GOLGA2: variants seen among roughly 807,000 people sequenced by gnomAD.
GOLGA2 encodes the protein golgin subfamily A member 2.
A neutral mutation model predicts 148.8 loss-of-function variants in GOLGA2; 49 were observed. That is an observed-to-expected ratio of 0.33 (90% confidence interval 0.26 to 0.42). GOLGA2 has a LOEUF of 0.42. Among genes scored for constraint, GOLGA2 ranks in the 10% least tolerant of loss-of-function variants. The probability of loss-of-function intolerance (pLI) is 1.00; values close to 1 mark genes in which losing one functional copy is unlikely to be tolerated. For synonymous variants in GOLGA2, 501 were observed against 511.8 expected, an observed-to-expected ratio of 0.98 and a Z score of 0.28; for missense variants, 1,178 against 1,304.6, an observed-to-expected ratio of 0.90 and a Z score of 1.49.
intron 3 of GOLGA2, among the ~76,000 whole-genome samples, chr9:128,272,107 AG>A: frequency 6.7e-6 from 1 of 149,734 alleles, no homozygotes; most frequent in African/African-American, 2.4e-5. Context: ...TAAAACCTAA[AG>A]GTCTGTTGGT....
chr9:128,257,027 C>T lies in GOLGA2; in HGVS notation c.*40G>A, dbSNP rs1829908009. 2.7e-6 allele frequency: 4 copies of T among 1,473,746 alleles called. No homozygotes were observed. Among genetic ancestry groups the T allele is most frequent in the African/African-American group, 2.8e-5 (2 of 72,338 alleles). The allele number at this position is 1,473,746 out of a possible 1,614,324, so 91.3% of individuals were successfully genotyped here. ...AGGGATATGGTGGGGGCAGGGTATCCAGCCCCACTTCTTCAGGCTTTGCTG... is the reference window on the plus strand; with the variant it reads ...AGGGATATGGTGGGGGCAGGGTATCTAGCCCCACTTCTTCAGGCTTTGCTG... On this transcript the variant is annotated 3_prime_UTR_variant, in exon 27 of 27. Coordinates refer to ENST00000611957, the MANE Select transcript of GOLGA2 (RefSeq NM_001366244.2). This position sits in a 1 kb window ranked among gnomAD's most constrained non-coding sequence, Gnocchi z 8.0.
chr9:128,266,274 G>A lies in GOLGA2; in HGVS notation c.681+13C>T, dbSNP rs372567469. 5.6e-6 allele frequency: 9 copies of A among 1,608,568 alleles called. 1 individual carries two copies. Among genetic ancestry groups the A allele is most frequent in the Non-Finnish European group, 7.7e-6 (9 of 1,175,196 alleles). Reference sequence around the variant, plus strand: ...AGCAGTCATGTTGTGAGCAAACAAAGAAATCACGTTACTTCTTCCAACTGA... The same window carrying A: ...AGCAGTCATGTTGTGAGCAAACAAAAAAATCACGTTACTTCTTCCAACTGA... On this transcript the variant is annotated intron_variant, in intron 9 of 26. Coordinates refer to ENST00000611957, the MANE Select transcript of GOLGA2 (RefSeq NM_001366244.2). The surrounding 1 kb of genome is among the most constrained non-coding windows in gnomAD (Gnocchi z 4.2).
chr9:128,260,910 C>T lies in GOLGA2; in HGVS notation c.1421-108G>A, dbSNP rs1200110708. ...AAACTTGGCCTCCCTGCTGATGATTCCTCGCACCCGGATGTTAGCCAATCT... is the reference window on the plus strand; with the variant it reads ...AAACTTGGCCTCCCTGCTGATGATTTCTCGCACCCGGATGTTAGCCAATCT... On this transcript the variant is annotated intron_variant, in intron 17 of 26. Transcript: ENST00000611957. The surrounding 1 kb of genome is among the most constrained non-coding windows in gnomAD (Gnocchi z 4.8). The T allele has an allele frequency of 1.3e-6, 1 of 779,382 alleles. No individual in the cohort carries two copies. Among genetic ancestry groups the T allele is most frequent in the Admixed American group, 2.7e-5 (1 of 36,722 alleles). The allele number at this position is 779,382 out of a possible 1,614,324, so 48.3% of individuals were successfully genotyped here.
intron 3 of GOLGA2, among the ~76,000 whole-genome samples, chr9:128,270,172 C>T (rs1437729017): frequency 8.6e-5 from 10 of 115,970 alleles, no homozygotes; most frequent in Non-Finnish European, 1.7e-4. Flanking sequence ...CTCACTCTGT[C>T]GCCCAGGCTG....
chr9:128,259,396 AG>A lies in GOLGA2; in HGVS notation c.1873-6del. 1 of 1,563,948 alleles carries A rather than the reference AG, an allele frequency of 6.4e-7. No individual in the cohort carries two copies. ...CTCTTGGCTCTTCAGCTCCACCTGT[AG>A]GAAGACCCTGGGCGTGAGGGCAGGT... is the stretch of plus-strand genomic sequence containing the variant. On this transcript the variant is annotated splice_polypyrimidine_tract_variant and splice_region_variant and intron_variant, in intron 19 of 26. Transcript: ENST00000611957.
At position 128,258,443 on chromosome 9, in the gene GOLGA2, A is replaced by T. The variant is rs534054721; in HGVS notation, c.2289+12T>A. 1.2e-6 allele frequency: 2 copies of T among 1,604,264 alleles called. No homozygotes were observed. Among genetic ancestry groups the T allele is most frequent in the South Asian group, 2.2e-5 (2 of 90,716 alleles). ...GAGGCAGCAAAGGTTGGGGAGGGGG[A>T]GTCAGCCTCACCATGGCTTCCCGGC... On this transcript the variant is annotated intron_variant, in intron 22 of 26. Transcript: ENST00000611957. This position sits in a 1 kb window ranked among gnomAD's most constrained non-coding sequence, Gnocchi z 6.6.
chr9:128,265,068 G>A (rs995837514), intron 12 of GOLGA2, among the ~76,000 whole-genome samples: 6 of 152,186 alleles, frequency 3.9e-5, no homozygotes, highest in African/African-American at 1.2e-4. Flanking sequence ...CTTTTGTTCA[G>A]TTTTTGAAAG....
Position 128,261,330 on chromosome 9 carries a change from C to T in GOLGA2, c.1333-71G>A. On this transcript the variant is annotated intron_variant, in intron 16 of 26. Coordinates refer to ENST00000611957, the MANE Select transcript of GOLGA2 (RefSeq NM_001366244.2). The surrounding 1 kb of genome is among the most constrained non-coding windows in gnomAD (Gnocchi z 5.7). ...CTGGACAGGCTACCATCTCCCTCTG[C>T]CCCCACCGCCACAAAGCCCAGACCC... 1.5e-6 allele frequency: 2 copies of T among 1,325,972 alleles called. No homozygotes were observed. Among genetic ancestry groups the T allele is most frequent in the East Asian group, 2.3e-5 (1 of 43,556 alleles). 82.1% of individuals were successfully genotyped at this position (1,325,972 alleles called of 1,614,324 possible).
At position 128,268,327 on chromosome 9, in the gene GOLGA2, C is replaced by G; in HGVS notation, c.393+93G>C. 1.1e-5 allele frequency: 11 copies of G among 1,027,310 alleles called. No homozygotes were observed. The South Asian group carries it at 1.3e-4, about 12-fold the overall frequency. 63.6% of individuals were successfully genotyped at this position (1,027,310 alleles called of 1,614,324 possible). On this transcript the variant is annotated intron_variant, in intron 4 of 26. Coordinates refer to ENST00000611957, the MANE Select transcript of GOLGA2 (RefSeq NM_001366244.2). Reference sequence around the variant, plus strand: ...CCCCGGCCCGGTCCCCAGGAAGGGCCCTTGACCCTAGGGAACAAGCTGCCT... The same window carrying G: ...CCCCGGCCCGGTCCCCAGGAAGGGCGCTTGACCCTAGGGAACAAGCTGCCT...
chr9:128,274,081 A>T, intron 1 of GOLGA2, 109 bp from the exon 2 acceptor site: 1 of 993,180 alleles, frequency 1.0e-6, no homozygotes, highest in Non-Finnish European at 1.5e-6. Context: ...ATTTAATGCC[A>T]CTAACAACTC....
intron 19 of GOLGA2, 115 bp from the exon 20 acceptor site, chr9:128,259,506 G>A: frequency 3.1e-6 from 2 of 654,352 alleles, no homozygotes; most frequent in Non-Finnish European, 5.2e-6. Context: ...CCTTGCTCCA[G>A]GCCTAAGTGA....
intron 1 of GOLGA2, among the ~76,000 whole-genome samples, chr9:128,274,225 G>C (rs1011210795): frequency 2.0e-5 from 3 of 152,146 alleles, no homozygotes; most frequent in African/African-American, 7.2e-5. Context: ...CAGCTGCCAG[G>C]GGCCAAAACC....
In GOLGA2 at chr9:128,256,980, G is replaced by A; in HGVS notation, c.*87C>T. 5 of 1,001,096 alleles carry A rather than the reference G, an allele frequency of 5.0e-6. No individual in the cohort carries two copies. The South Asian group carries it at 7.3e-5, about 15-fold the overall frequency. 62.0% of individuals were successfully genotyped at this position (1,001,096 alleles called of 1,614,324 possible). A position where few individuals can be genotyped will look rare whatever the true frequency, so the allele number is the denominator to read the frequency against. The stretch of plus-strand genomic sequence containing the variant: ...CTATGCTTGCTACTGTAAGGGTAAA[G>A]GGTTGACTGAGAAGGGATGGTAGGG... On this transcript the variant is annotated 3_prime_UTR_variant, in exon 27 of 27. Transcript: ENST00000611957.
At chr9:128,268,080 C>T (rs1830707046) in intron 5 of GOLGA2, 37 bp downstream of exon 5, 1 of 1,606,526 alleles carries the variant, frequency 6.2e-7, no homozygotes, top group Non-Finnish European at 8.5e-7. Flanking sequence ...CTGACTCTCT[C>T]AGCCTAGAGA....
rs757910820 is a variant in GOLGA2 at position 128,260,112 on chromosome 9, G to A, written c.1836C>T (p.Gly612=). 24 of 1,610,634 alleles carry A rather than the reference G, an allele frequency of 1.5e-5. No individual in the cohort carries two copies. Among genetic ancestry groups the A allele is most frequent in the Middle Eastern group, 1.7e-4 (1 of 5,932 alleles). ...HVKRELGKKL[G]ELQEKLSELK... ...GCTCGCTCAGCTTCTCCTGCAGCTC[G>A]CCCAGCTTCTTTCCCAGCTCCCTCT... The change falls in exon 19 of 27, where the codon GGC becomes GGT. Residue 612 remains glycine, a synonymous_variant. Coordinates refer to ENST00000611957, the MANE Select transcript of GOLGA2 (RefSeq NM_001366244.2). The surrounding 1 kb of genome is among the most constrained non-coding windows in gnomAD (Gnocchi z 4.8).
In GOLGA2 at chr9:128,273,987, A is replaced by G; in HGVS notation, c.85-15T>C. 5 of 1,608,764 alleles carry G rather than the reference A, an allele frequency of 3.1e-6. No homozygotes were observed. The highest frequency in any genetic ancestry group is 3.4e-6 in the Non-Finnish European group (4 of 1,176,298). On this transcript the variant is annotated splice_polypyrimidine_tract_variant and intron_variant, in intron 1 of 26. Coordinates refer to ENST00000611957, the MANE Select transcript of GOLGA2 (RefSeq NM_001366244.2). ...TATTCTCTCAACTGTGGAAAAGAAG[A>G]GCAATAATATTCATGAGATCTACAA...
At position 128,258,513 on chromosome 9, in the gene GOLGA2, A is replaced by C. The variant is rs1588477252; in HGVS notation, c.2231T>G (p.Val744Gly). Residue 744 changes from valine to glycine, a missense_variant, in exon 22 of 27, where the codon GTG (valine) becomes GGG (glycine). By Grantham distance (109) the Val-to-Gly change is moderately radical. Coordinates refer to ENST00000611957, the MANE Select transcript of GOLGA2 (RefSeq NM_001366244.2). The surrounding 1 kb of genome is among the most constrained non-coding windows in gnomAD (Gnocchi z 6.6). ...GCTTGGCATGGGCTGAGGTACTGCCACCGCCTCCTCCTCCTCCTCCTCCTC... is the reference window on the plus strand; with the variant it reads ...GCTTGGCATGGGCTGAGGTACTGCCCCCGCCTCCTCCTCCTCCTCCTCCTC... ...EDEEEEEEEA[V>G]AVPQPMPSIP... 6.3e-7 allele frequency: 1 copy of C among 1,589,324 alleles called. No homozygotes were observed.
In GOLGA2 at chr9:128,260,597, C is replaced by G; in HGVS notation, c.1626G>C (p.Gly542=). The change falls in exon 18 of 27, where the codon GGG becomes GGC. Residue 542 remains glycine, a synonymous_variant. Coordinates refer to ENST00000611957, the MANE Select transcript of GOLGA2 (RefSeq NM_001366244.2). This position sits in a 1 kb window ranked among gnomAD's most constrained non-coding sequence, Gnocchi z 4.8. ...TTTGCCTGCGCGCCTCCGCCTGCTC[C>G]CCCCAGAGCTCGGCCGCCCGCTCCA... ...LELERAAELW[G]EQAEARRQIL... is the part of the protein sequence containing the mutation. The G allele has an allele frequency of 6.2e-7, 1 of 1,611,608 alleles. No individual in the cohort carries two copies. Among genetic ancestry groups the G allele is most frequent in the Non-Finnish European group, 8.5e-7 (1 of 1,179,986 alleles).
chr9:128,264,734 G>C (rs895003597), intron 12 of GOLGA2, among the ~76,000 whole-genome samples: 9 of 152,086 alleles, frequency 5.9e-5, no homozygotes, highest in African/African-American at 1.7e-4. Flanking sequence ...GGCCAAGATC[G>C]AATTTACAGC....
Sources: gnomAD v4.1 joint callset for allele counts (sites outside exome capture counted in the v4.1 genomes callset) on GRCh38, gnomAD v4.1.1 for gene constraint, Gnocchi (gnomAD v3.1) non-coding constraint, MANE v1.5 for transcripts, NCBI Gene and HGNC (gene_info 2026-07-23, HGNC 2026-07-21) for gene names.